SNX24: variants seen among roughly 807,000 people sequenced by gnomAD.
SNX24 encodes sorting nexin 24.
In SNX24, 22 loss-of-function variants were observed where a neutral mutation model predicts 28.7. The ratio of observed to expected loss-of-function variants is 0.77; its 90% confidence interval spans 0.55 to 1.10. SNX24 has a LOEUF of 1.10. Ranked by LOEUF, SNX24 falls within the 50% of genes least tolerant of loss-of-function variation. The pLI is 0.00. For missense variants in SNX24, 221 were observed against 201.1 expected, an observed-to-expected ratio of 1.10 and a Z score of -0.60; for synonymous variants, 69 against 71.5, an observed-to-expected ratio of 0.96 and a Z score of 0.18.
At chr5:122,917,438 C>T (rs1021517470) in intron 1 of SNX24, among the ~76,000 whole-genome samples, 1 of 152,100 alleles carries the variant, frequency 6.6e-6, no homozygotes, top group African/African-American at 2.4e-5. Context: ...ACCTAGTATA[C>T]AGGTTTTTCA....
chr5:122,997,900 A>G (rs144454904), intron 3 of SNX24, among the ~76,000 whole-genome samples: 1 of 152,300 alleles, frequency 6.6e-6, no homozygotes, highest in Non-Finnish European at 1.5e-5. Flanking sequence ...TATTATTCAA[A>G]TAAGTATTGT....
intron 1 of SNX24, among the ~76,000 whole-genome samples, chr5:122,936,144 G>A (rs1169200559): frequency 6.6e-6 from 1 of 152,146 alleles, no homozygotes; most frequent in East Asian, 1.9e-4. Context: ...GTGGAGCTAG[G>A]AGCACAAGCT....
chr5:122,956,553 C>T (rs1760226525), intron 3 of SNX24, among the ~76,000 whole-genome samples: 1 of 152,030 alleles, frequency 6.6e-6, no homozygotes, highest in African/African-American at 2.4e-5. Flanking sequence ...AGGTGTATGC[C>T]CAGAAGTGGA....
chr5:122,859,112 C>G (rs898251252), intron 1 of SNX24, among the ~76,000 whole-genome samples: 12 of 152,106 alleles, frequency 7.9e-5, no homozygotes, highest in Non-Finnish European at 1.5e-4. Context: ...AATCATTTGC[C>G]TGGATATTGT....
At chr5:122,935,718 T>A (rs1401702384) in intron 1 of SNX24, among the ~76,000 whole-genome samples, 2 of 72,078 alleles carry the variant, frequency 2.8e-5, no homozygotes, top group Admixed American at 3.2e-4. Flanking sequence ...CGACCTTGTA[T>A]GTCATATGCC....
At chr5:122,897,595 T>C (rs1338459457) in intron 1 of SNX24, among the ~76,000 whole-genome samples, 1 of 152,206 alleles carries the variant, frequency 6.6e-6, no homozygotes, top group East Asian at 1.9e-4. Context: ...AATACTTATT[T>C]GTGACAATAC....
downstream of SNX24, among the ~76,000 whole-genome samples, chr5:123,010,686 CGAATT>C (rs1762556431): frequency 6.6e-6 from 1 of 152,084 alleles, no homozygotes; most frequent in Non-Finnish European, 1.5e-5. Flanking sequence ...CTCCTAATAC[CGAATT>C]CCCGTTCCAC....
Position 122,856,348 on chromosome 5 carries a change from C to G in SNX24, c.60+10655C>G, listed in dbSNP as rs1225081732. Among the ~76,000 whole-genome samples, 3 of 152,004 alleles carry G rather than the reference C, an allele frequency of 2.0e-5. No individual in the cohort carries two copies. In the East Asian group the frequency reaches 5.8e-4, roughly 29 times the overall value. On this transcript the variant is annotated intron_variant, in intron 1 of 6. Transcript: ENST00000261369. Reference sequence around the variant, plus strand: ...ACAGTATTCCATGGCGTATATGTACCGAGATTTCTTTATCCAGTCTACTGT... The same window carrying G: ...ACAGTATTCCATGGCGTATATGTACGGAGATTTCTTTATCCAGTCTACTGT...
At chr5:123,028,702 A>T in intron 5 of SNX24, 1 of 1,221,326 alleles carries the variant, frequency 8.2e-7, no homozygotes, top group Non-Finnish European at 1.2e-6. Flanking sequence ...ATTTCAACAG[A>T]CTGGGTTCAT....
chr5:122,892,428 A>C (rs1397251539), intron 1 of SNX24, among the ~76,000 whole-genome samples: 1 of 151,708 alleles, frequency 6.6e-6, no homozygotes, highest in African/African-American at 2.4e-5. Flanking sequence ...CCTTTAAATA[A>C]ATTTATTTAT....
chr5:123,014,158 A>G (rs993192737), downstream of SNX24, among the ~76,000 whole-genome samples: 2 of 151,952 alleles, frequency 1.3e-5, no homozygotes, highest in Non-Finnish European at 1.5e-5. Context: ...CAGCCTCACA[A>G]TAGAATTGTA....
At chr5:122,888,628 C>T (rs1019719584) in intron 1 of SNX24, among the ~76,000 whole-genome samples, 1 of 152,086 alleles carries the variant, frequency 6.6e-6, no homozygotes, top group Admixed American at 6.5e-5. Context: ...TTTCTTGGCT[C>T]CATCAGCTAC....
At chr5:122,902,665 TC>T (rs1244940637) in intron 1 of SNX24, among the ~76,000 whole-genome samples, 2 of 152,094 alleles carry the variant, frequency 1.3e-5, no homozygotes, top group East Asian at 3.9e-4. Flanking sequence ...AGTACTGGAT[TC>T]CCTAGCCCAG....
At chr5:122,870,025 C>T (rs1219952245) in intron 1 of SNX24, among the ~76,000 whole-genome samples, 1 of 151,994 alleles carries the variant, frequency 6.6e-6, no homozygotes, top group Non-Finnish European at 1.5e-5. Flanking sequence ...AAACTTTAAT[C>T]AACACCTGAT....
At chr5:123,002,921 T>A (rs1762295671) in intron 6 of SNX24, among the ~76,000 whole-genome samples, 1 of 152,216 alleles carries the variant, frequency 6.6e-6, no homozygotes, top group African/African-American at 2.4e-5. Flanking sequence ...TATCATTGAC[T>A]GAATGAGAAA....
chr5:122,861,940 TAGAC>T (rs1755477246), intron 1 of SNX24, among the ~76,000 whole-genome samples: 1 of 152,188 alleles, frequency 6.6e-6, no homozygotes, highest in South Asian at 2.1e-4. Flanking sequence ...TGAGGTTACA[TAGAC>T]AGGTAGAGCA....
intron 1 of SNX24, among the ~76,000 whole-genome samples, chr5:122,925,700 A>C (rs1217703070): frequency 6.6e-6 from 1 of 152,222 alleles, no homozygotes; most frequent in Admixed American, 6.5e-5. Context: ...TTGTTCTAAC[A>C]AAAATAACTC....
intron 3 of SNX24, among the ~76,000 whole-genome samples, chr5:122,997,350 G>T (rs1426118875): frequency 6.6e-6 from 1 of 152,180 alleles, no homozygotes; most frequent in East Asian, 1.9e-4. Flanking sequence ...TGAAAATTTA[G>T]CAAAGTAAAT....
At chr5:122,904,337 C>T (rs139471448) in intron 1 of SNX24, among the ~76,000 whole-genome samples, 1,850 of 152,258 alleles carry the variant, frequency 0.012, 41 homozygotes, top group African/African-American at 0.043. Flanking sequence ...CATGTGCCGC[C>T]ACACCCTGCT....
Sources: allele counts gnomAD v4.1 joint callset (sites outside exome capture counted in the v4.1 genomes callset), GRCh38; gene constraint gnomAD v4.1.1; transcripts MANE v1.5; gene names NCBI Gene and HGNC (gene_info 2026-07-23, HGNC 2026-07-21).